Variants in ABCA13 observed in about 807,000 individuals in gnomAD.
ABCA13 encodes ATP binding cassette subfamily A member 13, also known as ATP-binding cassette sub-family A member 13.
ABCA13 carries 476 observed loss-of-function variants against 478.7 expected under a neutral mutation model. That is an observed-to-expected ratio of 0.99 (90% CI 0.92 to 1.07). The LOEUF is 1.07. ABCA13 is among the 50% of genes least tolerant of loss of function. ABCA13 has a pLI of 0.00. For missense variants in ABCA13, 6,060 were observed against 5,910.6 expected, an observed-to-expected ratio of 1.03 and a Z score of -0.83; for synonymous variants, 2,252 against 2,158.9, an observed-to-expected ratio of 1.04 and a Z score of -1.20.
At chr7:48,285,377 GAA>G (rs1327441679) in intron 19 of ABCA13, among the ~76,000 whole-genome samples, 1 of 152,336 alleles carries the variant, frequency 6.6e-6, no homozygotes, top group Non-Finnish European at 1.5e-5. Flanking sequence ...GAGAGGTGGA[GAA>G]AGAGGGTACC....
At chr7:48,297,453 T>C (rs1280438836) in intron 22 of ABCA13, 142 bp downstream of exon 22, 1 of 834,604 alleles carries the variant, frequency 1.2e-6, no homozygotes, top group Non-Finnish European at 1.8e-6. Context: ...TGGTATGATG[T>C]ATTTGGCATT....
In ABCA13 at chr7:48,594,794, G is replaced by A; in HGVS notation, c.14725G>A (p.Ala4909Thr). 6.2e-7 allele frequency: 1 copy of A among 1,613,926 alleles called. No homozygotes were observed. The highest frequency in any genetic ancestry group is 8.5e-7 in the Non-Finnish European group (1 of 1,179,810). ...GAAGGAGGTTCGGGAAGGCTGTGCT[G>A]CGGTGCTGACCTCCCACAGGTGAGT... ...IMKEVREGCA[A>T]VLTSHSMEEC... Residue 4909 changes from alanine to threonine, a missense_variant, in exon 58 of 62, where the codon GCG becomes ACG. By Grantham distance (58) the Ala-to-Thr change is moderately conservative. Transcript: ENST00000435803.
chr7:48,392,562 T>TCA (rs887446836), intron 38 of ABCA13, among the ~76,000 whole-genome samples: 15 of 151,974 alleles, frequency 9.9e-5, no homozygotes, highest in South Asian at 4.2e-4. Flanking sequence ...TTCCTTCCTG[T>TCA]CACACACACA....
intron 23 of ABCA13, among the ~76,000 whole-genome samples, chr7:48,300,152 CCTTTT>C (rs761268577): frequency 1.7e-4 from 26 of 152,302 alleles, no homozygotes; most frequent in Middle Eastern, 3.4e-3. Context: ...TTTCTAGTAT[CCTTTT>C]CTTATCTTTC....
chr7:48,175,516 G>C, intron 1 of ABCA13, among the ~76,000 whole-genome samples: 1 of 152,128 alleles, frequency 6.6e-6, no homozygotes, highest in East Asian at 1.9e-4. Context: ...TGCCTCCTGG[G>C]TTCAAGCGAT....
At chr7:48,320,838 T>A (rs1407936389) in intron 27 of ABCA13, among the ~76,000 whole-genome samples, 3 of 152,184 alleles carry the variant, frequency 2.0e-5, no homozygotes, top group African/African-American at 7.2e-5. Flanking sequence ...CTCTCTCCCT[T>A]TGGCTAAAGG....
intron 56 of ABCA13, 41 bp downstream of exon 56, chr7:48,580,415 A>C: frequency 6.3e-7 from 1 of 1,586,458 alleles, no homozygotes; most frequent in Non-Finnish European, 8.6e-7. Context: ...GGACCCATTG[A>C]GGAATGCTTG....
intron 15 of ABCA13, among the ~76,000 whole-genome samples, chr7:48,264,516 G>A (rs566705746): frequency 7.0e-4 from 106 of 151,780 alleles, no homozygotes; most frequent in African/African-American, 2.1e-3. Flanking sequence ...GATTTAATTC[G>A]TTTATATGAG....
chr7:48,544,281 A>G (rs913291484), intron 55 of ABCA13, among the ~76,000 whole-genome samples: 1 of 151,760 alleles, frequency 6.6e-6, no homozygotes, highest in African/African-American at 2.4e-5. Context: ...CCCATTTCCA[A>G]GCCTACAACT....
At chr7:48,244,899 A>G (rs1052187135) in intron 11 of ABCA13, among the ~76,000 whole-genome samples, 196 bp downstream of exon 11, 5 of 152,176 alleles carry the variant, frequency 3.3e-5, no homozygotes, top group African/African-American at 7.2e-5. Context: ...AATAAACAAT[A>G]AGGGCACAGT....
intron 1 of ABCA13, among the ~76,000 whole-genome samples, chr7:48,177,351 G>T (rs925311226): frequency 6.6e-6 from 1 of 152,232 alleles, no homozygotes; most frequent in African/African-American, 2.4e-5. Context: ...CTCTTGAACT[G>T]CTCCTATGGC....
At chr7:48,261,348 G>A (rs183731366) in intron 15 of ABCA13, among the ~76,000 whole-genome samples, 7 of 151,658 alleles carry the variant, frequency 4.6e-5, no homozygotes, top group East Asian at 1.9e-4. Flanking sequence ...TAAACTTTAC[G>A]TTTCTTTTTT....
rs1295008524 is a variant in ABCA13 at position 48,309,988 on chromosome 7, T to C, written c.9363T>C (p.Cys3121=). 6.2e-7 allele frequency: 1 copy of C among 1,613,798 alleles called. No homozygotes were observed. The highest frequency in any genetic ancestry group is 1.3e-5 in the African/African-American group (1 of 74,934). The part of the protein sequence containing the change: ...SALTVALSGK[C]DQEILHLLLT... ...TCACCGTAGCTCTGTCTGGAAAGTG[T>C]GATCAGGAAATCCTTCATCTCCTGC... Residue 3121 remains cysteine, a synonymous_variant, in exon 24 of 62, where the codon TGT becomes TGC. Coordinates refer to ENST00000435803, the MANE Select transcript of ABCA13 (RefSeq NM_152701.5).
At chr7:48,313,452 C>T (rs1802073397) in intron 25 of ABCA13, among the ~76,000 whole-genome samples, 1 of 152,196 alleles carries the variant, frequency 6.6e-6, no homozygotes, top group Admixed American at 6.5e-5. Flanking sequence ...GATCTACATT[C>T]CACCAGTGTG....
At chr7:48,466,410 A>T (rs1299549013) in intron 43 of ABCA13, among the ~76,000 whole-genome samples, 1 of 152,234 alleles carries the variant, frequency 6.6e-6, no homozygotes, top group African/African-American at 2.4e-5. Context: ...TACTTAAAGC[A>T]CACATAGGAT....
intron 15 of ABCA13, among the ~76,000 whole-genome samples, chr7:48,265,348 T>C (rs903451213): frequency 1.3e-5 from 2 of 151,622 alleles, no homozygotes; most frequent in Non-Finnish European, 3.0e-5. Context: ...TAACCAGGAT[T>C]GAATTGAGTC....
At chr7:48,175,718 A>G (rs1794763368) in intron 1 of ABCA13, among the ~76,000 whole-genome samples, 1 of 151,982 alleles carries the variant, frequency 6.6e-6, no homozygotes, top group South Asian at 2.1e-4. Flanking sequence ...ACTGCGGTGG[A>G]CCTATGTGAT....
intron 59 of ABCA13, among the ~76,000 whole-genome samples, chr7:48,635,640 A>G (rs578109768): frequency 1.2e-4 from 18 of 152,322 alleles, no homozygotes; most frequent in Admixed American, 9.8e-4. Context: ...TAACCTCATG[A>G]ACATGTAGCT....
intron 45 of ABCA13, among the ~76,000 whole-genome samples, chr7:48,480,552 C>T (rs1347568239): frequency 6.6e-6 from 1 of 152,226 alleles, no homozygotes; most frequent in African/African-American, 2.4e-5. Flanking sequence ...CCTCCTCCTA[C>T]CTTGTTAGGT....
Sources: allele counts gnomAD v4.1 joint callset (sites outside exome capture counted in the v4.1 genomes callset), GRCh38; gene constraint gnomAD v4.1.1; transcripts MANE v1.5; gene names NCBI Gene and HGNC (gene_info 2026-07-23, HGNC 2026-07-21).